Variants in EPC1 observed in about 807,000 individuals in gnomAD.
The protein encoded by EPC1 is enhancer of polycomb homolog 1.
EPC1 carries 12 observed loss-of-function variants against 98.4 expected under a neutral mutation model. The ratio of observed to expected loss-of-function variants is 0.12; its 90% confidence interval spans 0.08 to 0.20. The LOEUF (loss-of-function observed/expected upper bound fraction) is 0.20, where lower values mean the gene tolerates loss of function less well. EPC1 is among the 10% of genes least tolerant of loss of function. The probability of loss-of-function intolerance (pLI) is 1.00; values close to 1 mark genes in which losing one functional copy is unlikely to be tolerated. For synonymous variants in EPC1, 357 were observed against 363.9 expected (o/e 0.98, Z 0.21); for missense variants, 729 against 990.5 (o/e 0.74, Z 3.54).
chr10:32,367,503 AACT>A (rs1839634485), intron 1 of EPC1, among the ~76,000 whole-genome samples: 1 of 152,190 alleles, frequency 6.6e-6, no homozygotes, highest in African/African-American at 2.4e-5. Context: ...TAATCATAAC[AACT>A]CAAAATTTAA....
chr10:32,372,761 C>A (rs985421256), intron 1 of EPC1, among the ~76,000 whole-genome samples: 17 of 152,236 alleles, frequency 1.1e-4, no homozygotes, highest in Admixed American at 1.0e-3. Context: ...GTGGCCCATG[C>A]CTGTAATCCC....
intron 3 of EPC1, among the ~76,000 whole-genome samples, 197 bp downstream of exon 3, chr10:32,293,395 C>A (rs1195947436): frequency 6.6e-6 from 1 of 151,932 alleles, no homozygotes; most frequent in Non-Finnish European, 1.5e-5. Flanking sequence ...CCCAGGGCAA[C>A]CAAGGCACAG....
chr10:32,284,591 G>C, intron 10 of EPC1, 107 bp downstream of exon 10: 1 of 914,206 alleles, frequency 1.1e-6, no homozygotes, highest in Non-Finnish European at 1.6e-6. Context: ...CTGTTTAAGA[G>C]AAAAGGACTT....
chr10:32,354,967 C>T (rs573593007), intron 1 of EPC1, among the ~76,000 whole-genome samples: 50 of 152,252 alleles, frequency 3.3e-4, no homozygotes, highest in African/African-American at 1.1e-3. Flanking sequence ...GCTCAGGGCT[C>T]CCACTGATTC....
At chr10:32,358,528 C>G (rs1451893707) in intron 1 of EPC1, among the ~76,000 whole-genome samples, 4 of 150,836 alleles carry the variant, frequency 2.7e-5, no homozygotes, top group Admixed American at 2.0e-4. Context: ...ACCTGTAGTC[C>G]TAGCTACTTG....
chr10:32,377,671 T>A (rs891754163), intron 1 of EPC1, among the ~76,000 whole-genome samples: 1 of 152,064 alleles, frequency 6.6e-6, no homozygotes, highest in African/African-American at 2.4e-5. Context: ...GAGAAGAGAA[T>A]AGATCAAATC....
intron 1 of EPC1, among the ~76,000 whole-genome samples, chr10:32,313,930 G>A (rs1009063605): frequency 2.6e-5 from 4 of 151,812 alleles, no homozygotes; most frequent in African/African-American, 9.7e-5. Flanking sequence ...AGAGGGAATA[G>A]AGGGAATAGC....
intron 1 of EPC1, among the ~76,000 whole-genome samples, chr10:32,317,798 T>C (rs1297230530): frequency 6.6e-6 from 1 of 152,220 alleles, no homozygotes; most frequent in Non-Finnish European, 1.5e-5. Flanking sequence ...GTTATTACTC[T>C]CTACCTATCC....
intron 2 of EPC1, among the ~76,000 whole-genome samples, chr10:32,301,715 T>G (rs1156963898): frequency 6.6e-6 from 1 of 152,148 alleles, no homozygotes; most frequent in Non-Finnish European, 1.5e-5. Flanking sequence ...CTGGAACAAC[T>G]GGATATCAAG....
intron 1 of EPC1, among the ~76,000 whole-genome samples, chr10:32,320,230 T>C (rs1377868052): frequency 6.6e-6 from 1 of 152,092 alleles, no homozygotes; most frequent in East Asian, 1.9e-4. Flanking sequence ...AAAAGGACTT[T>C]TTTTTTAAAA....
intron 6 of EPC1, among the ~76,000 whole-genome samples, chr10:32,288,084 C>A (rs984017487): frequency 6.6e-6 from 1 of 152,068 alleles, no homozygotes; most frequent in Non-Finnish European, 1.5e-5. Context: ...TATGTAAATA[C>A]GCTAAATATT....
chr10:32,286,656 TAA>T lies in EPC1; in HGVS notation c.1391+36_1391+37del. 1.9e-6 allele frequency: 3 copies of T among 1,609,730 alleles called. No individual in the cohort carries two copies. In the East Asian group the frequency reaches 6.7e-5, roughly 36 times the overall value. On this transcript the variant is annotated intron_variant, in intron 9 of 13. Transcript: ENST00000319778. Reference sequence around the variant, plus strand: ...AGTTAGATTCAATCACCCTAATGCCTAAAATATCCTTCTGCTAGGAATACAGA... The same window carrying T: ...AGTTAGATTCAATCACCCTAATGCCTAATATCCTTCTGCTAGGAATACAGA...
At chr10:32,299,428 C>T (rs1291160912) in intron 2 of EPC1, among the ~76,000 whole-genome samples, 3 of 152,078 alleles carry the variant, frequency 2.0e-5, no homozygotes, top group Admixed American at 6.6e-5. Flanking sequence ...TCAGGTGGCC[C>T]GCCCACCTTG....
chr10:32,319,537 A>C (rs1836757696), intron 1 of EPC1, among the ~76,000 whole-genome samples: 1 of 152,184 alleles, frequency 6.6e-6, no homozygotes, highest in African/African-American at 2.4e-5. Flanking sequence ...CCCTTATGTG[A>C]CATTTCAGCT....
rs757083027 is a variant in EPC1 at position 32,286,742 on chromosome 10, G to A, written c.1343C>T (p.Pro448Leu). The A allele has an allele frequency of 1.9e-6, 3 of 1,614,020 alleles. No individual in the cohort carries two copies. Among genetic ancestry groups the A allele is most frequent in the South Asian group, 1.1e-5 (1 of 91,076 alleles). Residue 448 changes from proline to leucine, a missense_variant, in exon 9 of 14, where the codon CCC becomes CTC. By Grantham distance (98) the Pro-to-Leu change is moderately conservative. Coordinates refer to ENST00000319778, the MANE Select transcript of EPC1 (RefSeq NM_001272004.3). ...YRYCLTTLTV[P>L]QRCIGFARRR... ...TCGTGCAAATCCAATACACCTTTGGGGTACGGTGAGAGTAGTTAAGCAGTA... is the reference window on the plus strand; with the variant it reads ...TCGTGCAAATCCAATACACCTTTGGAGTACGGTGAGAGTAGTTAAGCAGTA...
At chr10:32,320,913 TAA>T (rs1836870341) in intron 1 of EPC1, among the ~76,000 whole-genome samples, 1 of 3,728 alleles carries the variant, frequency 2.7e-4, no homozygotes, top group Non-Finnish European at 8.8e-4. Flanking sequence ...GTGAGTTCTT[TAA>T]ATGTTTGGTG....
intron 6 of EPC1, among the ~76,000 whole-genome samples, chr10:32,288,312 C>CTTTTTTTTT (rs5784278): frequency 1.0e-4 from 13 of 124,092 alleles, no homozygotes; most frequent in African/African-American, 2.9e-4. Flanking sequence ...TTACTTTTTT[C>CTTTTTTTTT]TTTTTTTTTT....
At chr10:32,305,222 G>T (rs1835806008) in intron 2 of EPC1, among the ~76,000 whole-genome samples, 1 of 152,258 alleles carries the variant, frequency 6.6e-6, no homozygotes, top group East Asian at 1.9e-4. Context: ...GGGTTGGCAA[G>T]CTATGGCCTA....
chr10:32,300,202 G>A (rs763586134), intron 2 of EPC1, among the ~76,000 whole-genome samples: 5 of 151,752 alleles, frequency 3.3e-5, no homozygotes, highest in Non-Finnish European at 5.9e-5. Context: ...ATGAGCCACC[G>A]TGCCGGGCCA....
Sources: allele counts gnomAD v4.1 joint callset (sites outside exome capture counted in the v4.1 genomes callset), GRCh38; gene constraint gnomAD v4.1.1; transcripts MANE v1.5; gene names NCBI Gene and HGNC (gene_info 2026-07-23, HGNC 2026-07-21).